The following ITGB2 variants were observed in gnomAD, a reference collection of about 807,000 sequenced individuals.
The protein encoded by ITGB2 is integrin subunit beta 2.
In ITGB2, 56 loss-of-function variants were observed where a neutral mutation model predicts 86.8. The ratio of observed to expected loss-of-function variants is 0.65; its 90% CI spans 0.52 to 0.81. The LOEUF is 0.81. ITGB2 is among the 30% of genes least tolerant of loss of function. The pLI is 0.00. For missense variants in ITGB2, 948 were observed against 1,061.2 expected, an observed-to-expected ratio of 0.89 and a Z score of 1.48; for synonymous variants, 457 against 450.4, an observed-to-expected ratio of 1.01 and a Z score of -0.19.
At chr21:44,889,550 G>T in intron 12 of ITGB2, 55 bp from the exon 13 acceptor site, 1 of 1,467,988 alleles carries the variant, frequency 6.8e-7, no homozygotes, top group Non-Finnish European at 9.3e-7. Context: ...ACCGAGACCC[G>T]CCCGAAACCC....
chr21:44,910,195 T>C (rs992334493), intron 3 of ITGB2, 89 bp downstream of exon 3: 2 of 1,521,394 alleles, frequency 1.3e-6, no homozygotes, highest in African/African-American at 1.4e-5. Context: ...ATGGAGTTGT[T>C]GGTCCTCTGG....
chr21:44,888,579 T>C, intron 14 of ITGB2, 114 bp downstream of exon 14: 3 of 1,239,470 alleles, frequency 2.4e-6, no homozygotes, highest in Non-Finnish European at 3.4e-6. Flanking sequence ...TCATCCACCC[T>C]GCTGGGCCCA....
chr21:44,891,533 C>T lies in ITGB2; in HGVS notation c.1412+276G>A, dbSNP rs114913808. On this transcript the variant is annotated intron_variant, in intron 11 of 15. Transcript: ENST00000652462. ...CCTCTGGTGAGGGGGTCCTCCTGCC[C>T]ACAAGTCCCCTGCCTTGGGTCCTCC... Among the ~76,000 whole-genome samples, 571 of 152,314 alleles carry T rather than the reference C, an allele frequency of 3.7e-3. 3 individuals carry two copies. Among genetic ancestry groups the T allele is most frequent in the African/African-American group, 0.013 (551 of 41,566 alleles).
intron 1 of ITGB2, among the ~76,000 whole-genome samples, chr21:44,919,436 C>T (rs2084265204): frequency 6.9e-6 from 1 of 145,368 alleles, no homozygotes; most frequent in Admixed American, 6.6e-5. Flanking sequence ...CTGGAGGCCA[C>T]TCTTGGTAAA....
intron 1 of ITGB2, chr21:44,927,806 C>T (rs1222450415): frequency 2.6e-5 from 4 of 152,204 alleles, no homozygotes; most frequent in Non-Finnish European, 5.9e-5. Context: ...AGTTGGGTGC[C>T]CCAGGTGGGG....
chr21:44,917,200 A>G (rs2084224562), intron 1 of ITGB2, among the ~76,000 whole-genome samples: 1 of 152,224 alleles, frequency 6.6e-6, no homozygotes, highest in African/African-American at 2.4e-5. Context: ...TCAACGTGTA[A>G]GATGCTTTGG....
chr21:44,927,849 C>T (rs996570834), intron 1 of ITGB2: 7 of 152,234 alleles, frequency 4.6e-5, no homozygotes, highest in Non-Finnish European at 1.0e-4. Flanking sequence ...TGGGATCCCC[C>T]ACAGATCCAT....
chr21:44,908,344 G>A (rs1175572834), intron 3 of ITGB2, among the ~76,000 whole-genome samples: 1 of 151,408 alleles, frequency 6.6e-6, no homozygotes, highest in Non-Finnish European at 1.5e-5. Flanking sequence ...ACAGAAGTAA[G>A]ATAAATAGCC....
chr21:44,897,143 C>T (rs953286342), intron 8 of ITGB2, among the ~76,000 whole-genome samples: 4 of 152,224 alleles, frequency 2.6e-5, no homozygotes, highest in Non-Finnish European at 5.9e-5. Flanking sequence ...CAGGGTCCTG[C>T]TCCCACTCCA....
chr21:44,893,127 T>A, intron 10 of ITGB2: 1 of 405,726 alleles, frequency 2.5e-6, no homozygotes, highest in Admixed American at 3.6e-5. Flanking sequence ...TCACTGACGT[T>A]CCTGACATCA....
At position 44,889,328 on chromosome 21, in the gene ITGB2, G is replaced by A; in HGVS notation, c.1825C>T (p.Leu609=). 2 of 1,612,906 alleles carry A rather than the reference G, an allele frequency of 1.2e-6. No homozygotes were observed. The highest frequency in any genetic ancestry group is 1.7e-6 in the Non-Finnish European group (2 of 1,179,878). ...CCGGGGCACTCCTGGCACAGAGGCA[G>A]CTGGTAGCCTGAATGGCACTCGCAT... ...NVCECHSGYQ[L]PLCQECPGCP... is the part of the protein sequence containing the mutation. The change falls in exon 13 of 16, where the codon CTG becomes TTG. Residue 609 remains leucine, a synonymous_variant. Coordinates refer to ENST00000652462, the MANE Select transcript of ITGB2 (RefSeq NM_000211.5).
intron 4 of ITGB2, among the ~76,000 whole-genome samples, chr21:44,904,864 A>C (rs1193317420): frequency 6.6e-6 from 1 of 152,032 alleles, no homozygotes; most frequent in East Asian, 1.9e-4. Context: ...ATGCGCTCAC[A>C]CACACACACA....
chr21:44,899,277 GGGAAGGCT>G (rs1384130877), intron 7 of ITGB2, 115 bp from the exon 8 acceptor site: 11 of 800,144 alleles, frequency 1.4e-5, no homozygotes, highest in Non-Finnish European at 2.1e-5. Context: ...ACCCTCTCTG[GGGAAGGCT>G]GGAGAGGCAG....
chr21:44,903,622 C>T (rs1432343596), intron 4 of ITGB2, 87 bp from the exon 5 acceptor site: 2 of 1,485,540 alleles, frequency 1.3e-6, no homozygotes, highest in African/African-American at 1.4e-5. Context: ...GGGCTGTGCA[C>T]TGGCACCCTC....
In ITGB2 at chr21:44,886,851, C is replaced by G. The variant is rs771201581; in HGVS notation, c.2132G>C (p.Gly711Ala). The G allele has an allele frequency of 9.9e-6, 16 of 1,613,610 alleles. No homozygotes were observed. Among genetic ancestry groups the G allele is most frequent in the Non-Finnish European group, 1.4e-5 (16 of 1,179,994 alleles). The change falls in exon 15 of 16, where the codon GGC (glycine) becomes GCC (alanine). Residue 711 changes from glycine (G) to alanine (A), a missense_variant. Coordinates refer to ENST00000652462, the MANE Select transcript of ITGB2 (RefSeq NM_000211.5). The part of the protein sequence containing the change: ...IAAIVGGTVA[G>A]IVLIGILLLV... The stretch of plus-strand genomic sequence containing the variant: ...CAGGAGAATGCCGATCAGCACGATG[C>G]CTGCCACGGTGCCCCCGACGATGGC...
At position 44,888,937 on chromosome 21, in the gene ITGB2, G is replaced by A. The variant is rs767950025; in HGVS notation, c.1878-42C>T. 24 of 1,583,206 alleles carry A rather than the reference G, an allele frequency of 1.5e-5. No homozygotes were observed. The South Asian group carries it at 2.4e-4, about 16-fold the overall frequency. ...GTGAGCATCGGTGCCAGGGTGTGCGGGGGCTCCGGCAACGGGGGCTCGGGC... is the reference window on the plus strand; with the variant it reads ...GTGAGCATCGGTGCCAGGGTGTGCGAGGGCTCCGGCAACGGGGGCTCGGGC... On this transcript the variant is annotated intron_variant, in intron 13 of 15. Transcript: ENST00000652462.
intron 9 of ITGB2, 26 bp from the exon 10 acceptor site, chr21:44,893,570 G>T: frequency 6.2e-7 from 1 of 1,612,838 alleles, no homozygotes; most frequent in South Asian, 1.1e-5. Flanking sequence ...GGTTACTCTT[G>T]GGGGCGAGTG....
chr21:44,892,198 C>A (rs967219444), intron 10 of ITGB2, among the ~76,000 whole-genome samples: 22 of 152,218 alleles, frequency 1.4e-4, no homozygotes, highest in African/African-American at 5.3e-4. Context: ...CGCACTCCCG[C>A]ACTGGCCGGC....
At chr21:44,895,841 A>AAATGAAATGAAATG (rs373707107) in intron 8 of ITGB2, among the ~76,000 whole-genome samples, 38 of 129,334 alleles carry the variant, frequency 2.9e-4, no homozygotes, top group East Asian at 1.0e-3. Context: ...TCAATAAAAT[A>AAATGAAATGAAATG]AAATGAAATG....
Sources: allele counts gnomAD v4.1 joint callset (sites outside exome capture counted in the v4.1 genomes callset), GRCh38; gene constraint gnomAD v4.1.1; transcripts MANE v1.5; gene names NCBI Gene and HGNC (gene_info 2026-07-23, HGNC 2026-07-21).